The following USH2A variants were observed in gnomAD, a reference collection of about 807,000 sequenced individuals.
USH2A encodes usherin, also known as Usher syndrome 2A (autosomal recessive, mild).
USH2A carries 443 observed loss-of-function variants against 538.9 expected under a neutral mutation model. That is an observed-to-expected ratio of 0.82 (90% confidence interval 0.76 to 0.89). The LOEUF (loss-of-function observed/expected upper bound fraction) is 0.89, where lower values mean the gene tolerates loss of function less well. Among genes scored for constraint, USH2A ranks in the 40% least tolerant of loss-of-function variants. The pLI is 0.00. For synonymous variants in USH2A, 2,413 were observed against 2,273.5 expected, an observed-to-expected ratio of 1.06 and a Z score of -1.75; for missense variants, 6,633 against 6,324.8, an observed-to-expected ratio of 1.05 and a Z score of -1.65.
At chr1:215,646,561 C>G (rs2102641346) in intron 67 of USH2A, among the ~76,000 whole-genome samples, 1 of 152,106 alleles carries the variant, frequency 6.6e-6, no homozygotes, top group South Asian at 2.1e-4. Context: ...GAGTCTTGCT[C>G]TGTTGCCCAG....
In USH2A at chr1:215,877,752, T is replaced by C; in HGVS notation, c.8681+6A>G. ...GCATTTGTTTTTATAGTTTTTGTAA[T>C]CTCACCTGCTAAGACCCTTATCTTC... On this transcript the variant is annotated splice_donor_region_variant and intron_variant, in intron 43 of 71. Transcript: ENST00000307340. 6.2e-7 allele frequency: 1 copy of C among 1,613,562 alleles called. No homozygotes were observed. Among genetic ancestry groups the C allele is most frequent in the Non-Finnish European group, 8.5e-7 (1 of 1,179,564 alleles).
At chr1:215,746,966 T>C (rs1042938345) in intron 58 of USH2A, among the ~76,000 whole-genome samples, 1 of 152,196 alleles carries the variant, frequency 6.6e-6, no homozygotes, top group African/African-American at 2.4e-5. Flanking sequence ...AATTTTTCTT[T>C]CTAAAAGTTC....
chr1:216,080,066 G>A (rs990140377), intron 26 of USH2A: 1 of 152,028 alleles, frequency 6.6e-6, no homozygotes, highest in Non-Finnish European at 1.5e-5. Context: ...AATATATTGA[G>A]TTTGAAATGC....
chr1:215,673,075 G>A (rs1657877426), intron 63 of USH2A, among the ~76,000 whole-genome samples: 1 of 152,176 alleles, frequency 6.6e-6, no homozygotes, highest in Non-Finnish European at 1.5e-5. Flanking sequence ...TTAATGCCCT[G>A]AATCAGTGTA....
chr1:215,711,639 C>G (rs1332402850), intron 61 of USH2A, among the ~76,000 whole-genome samples: 1 of 151,998 alleles, frequency 6.6e-6, no homozygotes, highest in African/African-American at 2.4e-5. Context: ...TTATTTTACT[C>G]CTTGCTAAGA....
At chr1:216,238,806 A>G (rs928869280) in intron 13 of USH2A, among the ~76,000 whole-genome samples, 1 of 152,130 alleles carries the variant, frequency 6.6e-6, no homozygotes, top group East Asian at 1.9e-4. Context: ...AGTATTTGCA[A>G]TCACAGATGA....
chr1:215,664,056 A>G lies in USH2A; in HGVS notation c.14133+6916T>C, dbSNP rs189537421. On this transcript the variant is annotated intron_variant, in intron 64 of 71. Coordinates refer to ENST00000307340, the MANE Select transcript of USH2A (RefSeq NM_206933.4). ...CAGGTTTCCAGGACCTGGTGTTCAT[A>G]TCTTTTCTTTGGTTTCAAGGGATTC... is the stretch of plus-strand genomic sequence containing the variant. Among the ~76,000 whole-genome samples, 13 of 152,218 alleles carry G rather than the reference A, an allele frequency of 8.5e-5. No individual in the cohort carries two copies. In the East Asian group the frequency reaches 2.3e-3, roughly 27 times the overall value.
chr1:215,851,605 G>C (rs1370124965), intron 44 of USH2A, among the ~76,000 whole-genome samples: 1 of 152,118 alleles, frequency 6.6e-6, no homozygotes, highest in Non-Finnish European at 1.5e-5. Context: ...AATTCTATCA[G>C]ATGTTCAAAG....
intron 21 of USH2A, among the ~76,000 whole-genome samples, chr1:216,102,063 C>A (rs1480866002): frequency 2.0e-5 from 3 of 151,858 alleles, no homozygotes; most frequent in South Asian, 4.1e-4. Flanking sequence ...ATAAATTAGA[C>A]CATGTTAGAA....
intron 3 of USH2A, among the ~76,000 whole-genome samples, chr1:216,396,984 G>T (rs1288499533): frequency 6.6e-6 from 1 of 152,178 alleles, no homozygotes; most frequent in Non-Finnish European, 1.5e-5. Context: ...ACACACTAAT[G>T]CCAAGTGAAA....
At chr1:215,701,188 T>C (rs1333860172) in intron 61 of USH2A, among the ~76,000 whole-genome samples, 1 of 152,240 alleles carries the variant, frequency 6.6e-6, no homozygotes, top group Non-Finnish European at 1.5e-5. Flanking sequence ...ATGATTTCCA[T>C]TCTTTTGCAT....
chr1:215,936,488 A>G (rs1398150833), intron 37 of USH2A, among the ~76,000 whole-genome samples: 2 of 152,096 alleles, frequency 1.3e-5, no homozygotes, highest in African/African-American at 4.8e-5. Flanking sequence ...CTGGTTCTTC[A>G]TCTGTGAACT....
In USH2A at chr1:215,844,504, T is replaced by A. The variant is rs936301056; in HGVS notation, c.9056-8A>T. 1.2e-6 allele frequency: 2 copies of A among 1,605,912 alleles called. No homozygotes were observed. The highest frequency in any genetic ancestry group is 1.7e-6 in the Non-Finnish European group (2 of 1,179,652). Reference sequence around the variant, plus strand: ...GAAGCATGCCCTGAGGCTCTAGAATTAAAGGAAGAAACTGAATAAACTCCA... The same window carrying A: ...GAAGCATGCCCTGAGGCTCTAGAATAAAAGGAAGAAACTGAATAAACTCCA... On this transcript the variant is annotated splice_region_variant and splice_polypyrimidine_tract_variant and intron_variant, in intron 45 of 71. Coordinates refer to ENST00000307340, the MANE Select transcript of USH2A (RefSeq NM_206933.4).
intron 11 of USH2A, among the ~76,000 whole-genome samples, chr1:216,281,361 T>C (rs1001522382): frequency 2.0e-5 from 3 of 152,126 alleles, no homozygotes; most frequent in African/African-American, 7.2e-5. Flanking sequence ...GAGAAAAAAG[T>C]TTATATAAAA....
chr1:215,964,046 T>C (rs1316422864), intron 37 of USH2A, among the ~76,000 whole-genome samples: 2 of 152,084 alleles, frequency 1.3e-5, no homozygotes, highest in Non-Finnish European at 2.9e-5. Context: ...TAATACCGTT[T>C]TGATGGTTTG....
chr1:216,247,968 G>A (rs1410463246), intron 12 of USH2A, among the ~76,000 whole-genome samples: 2 of 152,068 alleles, frequency 1.3e-5, no homozygotes, highest in African/African-American at 4.8e-5. Flanking sequence ...TGTGAAAACA[G>A]CATATACACT....
intron 3 of USH2A, among the ~76,000 whole-genome samples, chr1:216,410,914 GA>G (rs1344951646): frequency 6.6e-6 from 1 of 152,020 alleles, no homozygotes; most frequent in Non-Finnish European, 1.5e-5. Context: ...CTTGGTCCAT[GA>G]AAATACCATA....
intron 38 of USH2A, among the ~76,000 whole-genome samples, chr1:215,906,523 T>C (rs761648696): frequency 1.3e-5 from 2 of 152,058 alleles, no homozygotes; most frequent in African/African-American, 2.4e-5. Context: ...TAGTGAATGA[T>C]TTATAATATA....
rs536196315 is a variant in USH2A, at chr1:216,086,704, C to A, written c.4987+15G>T. ...AGTTTGGATGACAACATATAATATA[C>A]CTTACTAAACTCACCAGGATCCTTC... On this transcript the variant is annotated intron_variant, in intron 24 of 71. Transcript: ENST00000307340. 8 of 1,585,306 alleles carry A rather than the reference C, an allele frequency of 5.0e-6. No individual in the cohort carries two copies. Among genetic ancestry groups the A allele is most frequent in the East Asian group, 2.2e-5 (1 of 44,692 alleles).
Sources: gnomAD v4.1 joint callset for allele counts (sites outside exome capture counted in the v4.1 genomes callset) on GRCh38, gnomAD v4.1.1 for gene constraint, MANE v1.5 for transcripts, NCBI Gene and HGNC (gene_info 2026-07-23, HGNC 2026-07-21) for gene names.